HTT: variants seen among roughly 807,000 people sequenced by gnomAD.
HTT encodes huntington disease protein.
In HTT, 104 loss-of-function variants were observed where a neutral mutation model predicts 362.3. That is an observed-to-expected ratio of 0.29 (90% CI 0.24 to 0.34). HTT has a LOEUF of 0.34. Ranked by LOEUF, HTT falls within the 10% of genes least tolerant of loss-of-function variation. The pLI is 1.00. For missense variants in HTT, 3,301 were observed against 3,928.6 expected (o/e 0.84, Z 4.27); for synonymous variants, 1,577 against 1,548.7 (o/e 1.02, Z -0.43).
At chr4:3,126,070 C>T (rs917181688) in intron 11 of HTT, among the ~76,000 whole-genome samples, 4 of 152,160 alleles carry the variant, frequency 2.6e-5, no homozygotes, top group African/African-American at 7.2e-5. Flanking sequence ...GAGTCTCACA[C>T]TGTCACCCAG....
At chr4:3,165,330 T>C (rs1375731592) in intron 29 of HTT, among the ~76,000 whole-genome samples, 2 of 152,202 alleles carry the variant, frequency 1.3e-5, no homozygotes, top group African/African-American at 4.8e-5. Context: ...TAACCCGACC[T>C]TTCTCTCTGG....
intron 66 of HTT, among the ~76,000 whole-genome samples, chr4:3,239,456 C>T (rs1353840442): frequency 6.6e-6 from 1 of 152,234 alleles, no homozygotes; most frequent in East Asian, 1.9e-4. Context: ...AGACAGACCA[C>T]AAGAGCCTCC....
At chr4:3,091,683 T>C (rs781690899) in intron 2 of HTT, among the ~76,000 whole-genome samples, 1 of 152,216 alleles carries the variant, frequency 6.6e-6, no homozygotes, top group Non-Finnish European at 1.5e-5. Context: ...CCACCCAGTC[T>C]GTATGTGGTA....
In HTT at chr4:3,233,147, G is replaced by T; in HGVS notation, c.8266-16G>T. 1.9e-6 allele frequency: 3 copies of T among 1,567,652 alleles called. No individual in the cohort carries two copies. The highest frequency in any genetic ancestry group is 1.1e-5 in the South Asian group (1 of 87,766). On this transcript the variant is annotated splice_polypyrimidine_tract_variant and intron_variant, in intron 60 of 66. Transcript: ENST00000355072. The stretch of plus-strand genomic sequence containing the variant: ...GCTCTGGTGGCATGCAGCAGCTTTT[G>T]TCTGTGTGTGCCTAGGACAAGGCCG...
chr4:3,126,858 G>A (rs1715542931), intron 11 of HTT, among the ~76,000 whole-genome samples: 1 of 152,194 alleles, frequency 6.6e-6, no homozygotes, highest in Admixed American at 6.5e-5. Context: ...GAGATGAGTT[G>A]ACAGTTGTTT....
At position 3,229,733 on chromosome 4, in the gene HTT, C is replaced by T. The variant is rs1011573499; in HGVS notation, c.8110-154C>T. Reference sequence around the variant, plus strand: ...CACGCACCCACACAGACACAGCACACGCATACACCACACACACACGCACAC... The same window carrying T: ...CACGCACCCACACAGACACAGCACATGCATACACCACACACACACGCACAC... On this transcript the variant is annotated intron_variant, in intron 59 of 66. Transcript: ENST00000355072. 1.1e-4 allele frequency among the ~76,000 whole-genome samples: 16 copies of T among 152,232 alleles called. 1 individual carries two copies. The highest frequency in any genetic ancestry group is 1.3e-4 in the Non-Finnish European group (9 of 67,998).
At chr4:3,106,310 C>T (rs1310307440) in intron 5 of HTT, among the ~76,000 whole-genome samples, 3 of 152,074 alleles carry the variant, frequency 2.0e-5, no homozygotes, top group Non-Finnish European at 2.9e-5. Context: ...GAGCCAAGAT[C>T]GCACCACTGC....
At position 3,129,906 on chromosome 4, in the gene HTT, C is replaced by T. The variant is rs548429174; in HGVS notation, c.1744-18C>T. 2 of 1,613,824 alleles carry T rather than the reference C, an allele frequency of 1.2e-6. No homozygotes were observed. The highest frequency in any genetic ancestry group is 2.2e-5 in the South Asian group (2 of 91,066). ...GATCACACTTCAAAATTCTCACAGC[C>T]CCCCTTGAACCGTTTAGGTGTTAGA... is the stretch of plus-strand genomic sequence containing the variant. On this transcript the variant is annotated intron_variant, in intron 12 of 66. Coordinates refer to ENST00000355072, the MANE Select transcript of HTT (RefSeq NM_001388492.1).
At chr4:3,083,143 G>A (rs905824389) in intron 1 of HTT, among the ~76,000 whole-genome samples, 4 of 152,164 alleles carry the variant, frequency 2.6e-5, no homozygotes, top group African/African-American at 7.2e-5. Context: ...ATGAGGCTGC[G>A]AGAGATGAGA....
intron 29 of HTT, among the ~76,000 whole-genome samples, chr4:3,171,934 T>A (rs1329113846): frequency 6.6e-6 from 1 of 152,220 alleles, no homozygotes; most frequent in Non-Finnish European, 1.5e-5. Context: ...AATCACACAT[T>A]GCTGTATCAT....
At chr4:3,170,852 G>A (rs758814254) in intron 29 of HTT, among the ~76,000 whole-genome samples, 2 of 152,198 alleles carry the variant, frequency 1.3e-5, no homozygotes, top group Non-Finnish European at 2.9e-5. Context: ...TCAGGCAGGA[G>A]GGTAAACCCA....
At chr4:3,231,336 G>T (rs1423070714) in intron 60 of HTT, among the ~76,000 whole-genome samples, 1 of 152,020 alleles carries the variant, frequency 6.6e-6, no homozygotes, top group Non-Finnish European at 1.5e-5. Context: ...GACGGTGAAT[G>T]ATTTTTTTTT....
In HTT at chr4:3,206,551, A is replaced by G; in HGVS notation, c.5774A>G (p.Gln1925Arg). The G allele has an allele frequency of 3.1e-6, 5 of 1,614,116 alleles. No homozygotes were observed. The highest frequency in any genetic ancestry group is 4.2e-6 in the Non-Finnish European group (5 of 1,180,008). The part of the protein sequence containing the change: ...HLTWLIVNHI[Q>R]DLISLSHEPP... The stretch of plus-strand genomic sequence containing the variant: ...ACGTGGCTCATTGTAAATCACATTC[A>G]AGATCTGATCAGCCTTTCCCACGAG... Residue 1925 changes from glutamine (Q) to arginine (R), a missense_variant, in exon 43 of 67, where the codon CAA (glutamine) becomes CGA (arginine). Physicochemically the swap from Gln to Arg is conservative, Grantham distance 43. This residue lies in a region of HTT where 2,316 missense variants were observed against 2,658.5 expected (regional missense o/e 0.87). Coordinates refer to ENST00000355072, the MANE Select transcript of HTT (RefSeq NM_001388492.1). The surrounding 1 kb of genome is among the most constrained non-coding windows in gnomAD (Gnocchi z 4.6).
chr4:3,181,884 C>T (rs1397888533), intron 36 of HTT, among the ~76,000 whole-genome samples: 1 of 152,144 alleles, frequency 6.6e-6, no homozygotes. Context: ...AACTTGTGCT[C>T]AACCATGTAT....
intron 25 of HTT, 26 bp from the exon 26 acceptor site, chr4:3,147,979 A>G (rs1017971976): frequency 6.4e-7 from 1 of 1,568,048 alleles, no homozygotes; most frequent in Non-Finnish European, 8.7e-7. Context: ...TGGGGTGGAG[A>G]GGTAATGTCT....
chr4:3,119,434 A>T (rs887818818), intron 8 of HTT, among the ~76,000 whole-genome samples: 69 of 152,240 alleles, frequency 4.5e-4, no homozygotes, highest in African/African-American at 1.5e-3. Context: ...TTCAAATGAC[A>T]TGGAGTAGTA....
chr4:3,151,787 T>G (rs186745283), intron 26 of HTT, among the ~76,000 whole-genome samples: 144 of 152,322 alleles, frequency 9.5e-4, no homozygotes, highest in African/African-American at 3.1e-3. Flanking sequence ...TCTGCACATA[T>G]GCATGCACCT....
intron 62 of HTT, 61 bp from the exon 63 acceptor site, chr4:3,235,504 G>A: frequency 6.4e-7 from 1 of 1,560,414 alleles, no homozygotes; most frequent in Non-Finnish European, 8.8e-7. Context: ...GTCGGGAGGA[G>A]GCATGAACAC....
chr4:3,217,614 AGGTAGAATCTGCAGGCCTTCAGTG>A, intron 51 of HTT, 127 bp from the exon 52 acceptor site: 1 of 632,792 alleles, frequency 1.6e-6, no homozygotes. Context: ...GCGGATATGA[AGGTAGAATCTGCAGGCCTTCAGTG>A]GCCAACTCAG....
Sources: gnomAD v4.1 joint callset for allele counts (sites outside exome capture counted in the v4.1 genomes callset) on GRCh38, gnomAD v4.1.1 for gene constraint, gnomAD v4.1.1 regional missense constraint, Gnocchi (gnomAD v3.1) non-coding constraint, MANE v1.5 for transcripts, NCBI Gene and HGNC (gene_info 2026-07-23, HGNC 2026-07-21) for gene names.